The following TNRC6C variants were observed in gnomAD, a reference collection of about 807,000 sequenced individuals.
The protein encoded by TNRC6C is trinucleotide repeat-containing gene 6C protein.
In TNRC6C, 20 loss-of-function variants were observed where a neutral mutation model predicts 153.7. The observed-to-expected ratio is 0.13, with a 90% CI of 0.09 to 0.19. The LOEUF (loss-of-function observed/expected upper bound fraction) is 0.19. Ranked by LOEUF, TNRC6C falls within the 10% of genes least tolerant of loss-of-function variation. The pLI, the probability that TNRC6C is intolerant of heterozygous loss-of-function variation, is 1.00. For synonymous variants in TNRC6C, 811 were observed against 841.4 expected (o/e 0.96, Z 0.63); for missense variants, 1,987 against 2,172.0 (o/e 0.91, Z 1.69).
intron 10 of TNRC6C, among the ~76,000 whole-genome samples, chr17:78,080,726 G>C (rs2073165389): frequency 6.6e-6 from 1 of 152,062 alleles, no homozygotes; most frequent in African/African-American, 2.4e-5. Context: ...AGGTTGACTG[G>C]AGCCCTGCCC....
At chr17:78,000,415 C>T (rs987768036), upstream of TNRC6C, among the ~76,000 whole-genome samples, 1 of 152,174 alleles carries the variant, frequency 6.6e-6, no homozygotes, top group African/African-American at 2.4e-5. Flanking sequence ...TAGTCAAATA[C>T]ATGTTGAATA....
At chr17:78,048,736 T>C in intron 2 of TNRC6C, 109 bp from the exon 5 acceptor site, 1 of 1,077,706 alleles carries the variant, frequency 9.3e-7, no homozygotes, top group African/African-American at 1.6e-5. Flanking sequence ...TGTTTGTCAT[T>C]CAGATTTGAA....
intron 2 of TNRC6C, among the ~76,000 whole-genome samples, chr17:78,047,666 A>G (rs1206752281): frequency 6.6e-6 from 1 of 152,214 alleles, no homozygotes; most frequent in Non-Finnish European, 1.5e-5. Flanking sequence ...TTTGAAGAGA[A>G]CATAATTAAA....
At chr17:78,092,737 A>AAAATAAAT (rs554426804) in intron 14 of TNRC6C, among the ~76,000 whole-genome samples, 196 bp from the exon 17 acceptor site, 1 of 152,140 alleles carries the variant, frequency 6.6e-6, no homozygotes, top group African/African-American at 2.4e-5. Context: ...TTGTCTCAAA[A>AAAATAAAT]AAATAAATAA....
At chr17:77,958,706 T>C (rs955896467), upstream of TNRC6C, among the ~76,000 whole-genome samples, 2 of 151,500 alleles carry the variant, frequency 1.3e-5, no homozygotes, top group African/African-American at 4.8e-5. Flanking sequence ...TCTTGTCAGT[T>C]AGAGCAACAA....
intron 1 of TNRC6C, among the ~76,000 whole-genome samples, chr17:78,006,361 C>T (rs964003905): frequency 3.3e-5 from 5 of 152,190 alleles, no homozygotes; most frequent in African/African-American, 4.8e-5. Context: ...CCAGAAGGGT[C>T]CAAAAGGTTT....
At chr17:78,030,841 G>A (rs552031470) in intron 1 of TNRC6C, among the ~76,000 whole-genome samples, 2 of 152,230 alleles carry the variant, frequency 1.3e-5, no homozygotes, top group East Asian at 1.9e-4. Flanking sequence ...GCTCACACCC[G>A]TAATCCCAGC....
intron 1 of TNRC6C, among the ~76,000 whole-genome samples, chr17:77,961,375 C>G (rs1301605035): frequency 6.6e-6 from 1 of 152,110 alleles, no homozygotes; most frequent in Non-Finnish European, 1.5e-5. Context: ...AGGCTGGTCT[C>G]GAACTCCTGA....
At chr17:78,020,112 CA>C (rs763245868) in intron 1 of TNRC6C, among the ~76,000 whole-genome samples, 1 of 152,152 alleles carries the variant, frequency 6.6e-6, no homozygotes, top group Non-Finnish European at 1.5e-5. Context: ...AAAAGAGACC[CA>C]GAGGTGTACA....
At chr17:78,052,609 T>C (rs1224514280) in intron 3 of TNRC6C, among the ~76,000 whole-genome samples, 1 of 152,198 alleles carries the variant, frequency 6.6e-6, no homozygotes, top group Non-Finnish European at 1.5e-5. Context: ...TAGGGCAGCC[T>C]GGGCATTTGG....
At chr17:78,037,924 C>A (rs535413315) in intron 2 of TNRC6C, among the ~76,000 whole-genome samples, 134 of 152,170 alleles carry the variant, frequency 8.8e-4, no homozygotes, top group Non-Finnish European at 1.6e-3. Context: ...ATTTTAACAG[C>A]GTGTTTCTAG....
intron 1 of TNRC6C, among the ~76,000 whole-genome samples, chr17:77,989,821 T>C (rs2071223141): frequency 6.6e-6 from 1 of 152,196 alleles, no homozygotes; most frequent in Non-Finnish European, 1.5e-5. Flanking sequence ...TGTTGTTCCT[T>C]AAGCCCCCAT....
intron 1 of TNRC6C, among the ~76,000 whole-genome samples, chr17:77,995,610 A>G (rs915461534): frequency 6.6e-6 from 1 of 152,168 alleles, no homozygotes; most frequent in African/African-American, 2.4e-5. Flanking sequence ...TGAAATCCCA[A>G]GCATTATTAA....
exon 3 of TNRC6C, chr17:78,050,861 C>T (rs1407998011): frequency 1.9e-6 from 3 of 1,613,698 alleles, no homozygotes; most frequent in South Asian, 1.1e-5. Context: ...GGAGATTGGG[C>T]AGATTCATCG....
chr17:78,047,133 A>G (rs2072428306), intron 2 of TNRC6C, among the ~76,000 whole-genome samples: 1 of 152,016 alleles, frequency 6.6e-6, no homozygotes, highest in African/African-American at 2.4e-5. Context: ...ACCCAAACTG[A>G]TGGTAAAATG....
At chr17:78,035,715 G>A (rs1345145584) in intron 2 of TNRC6C, among the ~76,000 whole-genome samples, 1 of 152,152 alleles carries the variant, frequency 6.6e-6, no homozygotes, top group Non-Finnish European at 1.5e-5. Context: ...TGTGATTTGT[G>A]TATATTTTGA....
intron 1 of TNRC6C, among the ~76,000 whole-genome samples, chr17:78,010,930 G>T (rs1197094321): frequency 6.6e-6 from 1 of 152,238 alleles, no homozygotes; most frequent in African/African-American, 2.4e-5. Flanking sequence ...GTGAAACAAA[G>T]GAAGTGAGCC....
intron 4 of TNRC6C, 79 bp from the exon 7 acceptor site, chr17:78,067,678 C>A (rs980564673): frequency 1.4e-6 from 2 of 1,443,472 alleles, no homozygotes; most frequent in Admixed American, 2.5e-5. Flanking sequence ...CCCACGACCC[C>A]TAAATTATAT....
At chr17:78,051,679 T>G (rs569886294) in intron 3 of TNRC6C, among the ~76,000 whole-genome samples, 1 of 152,250 alleles carries the variant, frequency 6.6e-6, no homozygotes, top group East Asian at 1.9e-4. Context: ...GCACACTCAG[T>G]AGAACATCAA....
Sources: allele counts gnomAD v4.1 joint callset (sites outside exome capture counted in the v4.1 genomes callset), GRCh38; gene constraint gnomAD v4.1.1; transcripts MANE v1.5; gene names NCBI Gene and HGNC (gene_info 2026-07-23, HGNC 2026-07-21).